The following TRIM9 variants were observed in gnomAD, a reference collection of about 807,000 sequenced individuals.
The protein encoded by TRIM9 is E3 ubiquitin-protein ligase TRIM9.
Under a neutral mutation model 78.3 loss-of-function variants are expected in TRIM9, and 26 were observed. The observed-to-expected ratio is 0.33, with a 90% confidence interval of 0.24 to 0.46. The LOEUF (loss-of-function observed/expected upper bound fraction) is 0.46. Among genes scored for constraint, TRIM9 ranks in the 20% least tolerant of loss-of-function variants. The probability of loss-of-function intolerance (pLI) is 1.00; values close to 1 mark genes in which losing one functional copy is unlikely to be tolerated. For synonymous variants in TRIM9, 398 were observed against 416.5 expected (o/e 0.96, Z 0.54); for missense variants, 787 against 1,036.4 (o/e 0.76, Z 3.30).
At chr14:51,020,902 A>G (rs1596193092) in intron 3 of TRIM9, among the ~76,000 whole-genome samples, 1 of 152,328 alleles carries the variant, frequency 6.6e-6, no homozygotes, top group East Asian at 1.9e-4. Context: ...CAAACTGTTC[A>G]CCATGTTCTG....
intron 1 of TRIM9, among the ~76,000 whole-genome samples, chr14:51,050,268 G>T (rs372624818): frequency 6.6e-6 from 1 of 152,104 alleles, no homozygotes; most frequent in Admixed American, 6.5e-5. Flanking sequence ...TTGTGGGAGG[G>T]ACCTGGTGGG....
chr14:51,064,669 A>C (rs1357141896), intron 1 of TRIM9, among the ~76,000 whole-genome samples: 1 of 151,902 alleles, frequency 6.6e-6, no homozygotes, highest in African/African-American at 2.4e-5. Context: ...AAGAGAGGAT[A>C]TCACACACAA....
Position 51,094,534 on chromosome 14 carries a change from T to C in TRIM9, c.406A>G (p.Ile136Val). The C allele has an allele frequency of 2.5e-6, 4 of 1,613,384 alleles. No homozygotes were observed. Among genetic ancestry groups the C allele is most frequent in the Non-Finnish European group, 3.4e-6 (4 of 1,179,880 alleles). ...ITCPQCHRSL[I>V]LDDRGLRGFP... ...CCGCGGAGCCCCCGGTCATCCAGGA[T>C]GAGGCTGCGGTGACACTGGGGGCAG... Residue 136 changes from isoleucine to valine, a missense_variant, in exon 1 of 13, where the codon ATC becomes GTC. Transcript: ENST00000684578.
rs750048475 is a variant in TRIM9 at position 50,994,219 on chromosome 14, A to G, written c.1603+3831T>C. 2.6e-5 allele frequency among the ~76,000 whole-genome samples: 4 copies of G among 152,198 alleles called. No individual in the cohort carries two copies. The South Asian group carries it at 8.3e-4, about 31-fold the overall frequency. On this transcript the variant is annotated intron_variant, in intron 7 of 12. Coordinates refer to ENST00000684578, the MANE Select transcript of TRIM9 (RefSeq NM_001387360.1). The stretch of plus-strand genomic sequence containing the variant: ...CCAGGAGTTTGAGACAAACCTGGGC[A>G]ACACAGCAAGACCACATCTCTACAA...
At chr14:51,025,225 T>C (rs1596204150) in intron 2 of TRIM9, 40 bp downstream of exon 2, 2 of 1,562,148 alleles carry the variant, frequency 1.3e-6, no homozygotes, top group Admixed American at 1.7e-5. Flanking sequence ...AGTTACGTAT[T>C]AACCGGCGGG....
At chr14:51,082,787 A>T (rs2063417867) in intron 1 of TRIM9, among the ~76,000 whole-genome samples, 1 of 152,214 alleles carries the variant, frequency 6.6e-6, no homozygotes, top group Admixed American at 6.5e-5. Flanking sequence ...AAAAAAAGTG[A>T]CTTGTTGTTC....
chr14:51,022,952 G>A lies in TRIM9; in HGVS notation c.924C>T (p.Asn308=). The A allele has an allele frequency of 6.2e-7, 1 of 1,613,940 alleles. No individual in the cohort carries two copies. Among genetic ancestry groups the A allele is most frequent in the Non-Finnish European group, 8.5e-7 (1 of 1,180,014 alleles). Residue 308 remains asparagine, a synonymous_variant, in exon 3 of 13, where the codon AAC becomes AAT. Coordinates refer to ENST00000684578, the MANE Select transcript of TRIM9 (RefSeq NM_001387360.1). The part of the protein sequence containing the change: ...LRNMVQQIQE[N]SVEFEACLVA... The stretch of plus-strand genomic sequence containing the variant: ...CCAGACAGGCTTCAAACTCCACACT[G>A]TTCTCCTGTGTAACAGAGCACATTT...
At chr14:50,999,923 T>C (rs10151412) in intron 6 of TRIM9, among the ~76,000 whole-genome samples, 130,134 of 152,172 alleles carry the variant, frequency 0.86, 55,940 homozygotes, top group African/African-American at 0.91. Flanking sequence ...GTACCACAGC[T>C]GTGTCTTACC....
intron 3 of TRIM9, among the ~76,000 whole-genome samples, chr14:51,011,458 T>C (rs1262857889): frequency 6.6e-6 from 1 of 152,198 alleles, no homozygotes; most frequent in East Asian, 1.9e-4. Flanking sequence ...TCCAAGTAGC[T>C]GGGACTACAC....
rs2061134836 is a variant in TRIM9 at position 51,059,158 on chromosome 14, G to A, written c.823-33798C>T. 2.6e-5 allele frequency among the ~76,000 whole-genome samples: 4 copies of A among 152,182 alleles called. No individual in the cohort carries two copies. The South Asian group carries it at 8.3e-4, about 32-fold the overall frequency. On this transcript the variant is annotated intron_variant, in intron 1 of 12. Coordinates refer to ENST00000684578, the MANE Select transcript of TRIM9 (RefSeq NM_001387360.1). ...TGGGAAATCAGTTCTTTCCTCCAAG[G>A]AGGGAAACAGTGAAACACCGATCAG... is the stretch of plus-strand genomic sequence containing the variant.
chr14:50,980,319 G>A (rs2051694949), intron 11 of TRIM9, among the ~76,000 whole-genome samples: 1 of 152,120 alleles, frequency 6.6e-6, no homozygotes, highest in Admixed American at 6.5e-5. Flanking sequence ...TTCAATTGAT[G>A]GTTTCACAAA....
chr14:50,991,376 T>C (rs949458096), intron 7 of TRIM9, among the ~76,000 whole-genome samples: 3 of 152,224 alleles, frequency 2.0e-5, no homozygotes, highest in African/African-American at 7.2e-5. Context: ...TTCTGGGCTC[T>C]GAAACCTATC....
intron 3 of TRIM9, among the ~76,000 whole-genome samples, chr14:51,015,462 CTT>C (rs1241918920): frequency 8.6e-6 from 1 of 115,774 alleles, no homozygotes; most frequent in Admixed American, 8.5e-5. Flanking sequence ...TAAAATTTTT[CTT>C]TATCTTTTTT....
At chr14:50,986,290 A>C in intron 7 of TRIM9, 146 bp from the exon 8 acceptor site, 5 of 646,700 alleles carry the variant, frequency 7.7e-6, no homozygotes, top group Non-Finnish European at 6.7e-6. Flanking sequence ...TACAAAACCA[A>C]TGTGCCTGGG....
At position 51,048,948 on chromosome 14, in the gene TRIM9, C is replaced by T. The variant is rs1416657385; in HGVS notation, c.823-23588G>A. 3.4e-5 allele frequency among the ~76,000 whole-genome samples: 5 copies of T among 149,210 alleles called. No homozygotes were observed. In the East Asian group the frequency reaches 1.0e-3, roughly 30 times the overall value. On this transcript the variant is annotated intron_variant, in intron 1 of 12. Transcript: ENST00000684578. ...GCAGTGAGCCGAGATCGCACCACTGCACTCCAGCCTAGGTGACAGCATGAG... is the reference window on the plus strand; with the variant it reads ...GCAGTGAGCCGAGATCGCACCACTGTACTCCAGCCTAGGTGACAGCATGAG...
At chr14:50,987,465 T>TA (rs1164139546) in intron 7 of TRIM9, among the ~76,000 whole-genome samples, 1 of 152,188 alleles carries the variant, frequency 6.6e-6, no homozygotes, top group Non-Finnish European at 1.5e-5. Context: ...GGATGACTTT[T>TA]AAAAAATGAA....
intron 8 of TRIM9, among the ~76,000 whole-genome samples, chr14:50,983,669 A>AT (rs1278768562): frequency 2.0e-5 from 3 of 152,186 alleles, no homozygotes; most frequent in Non-Finnish European, 4.4e-5. Context: ...CTGTAGCTGA[A>AT]TTTTTCATCT....
intron 1 of TRIM9, among the ~76,000 whole-genome samples, chr14:51,037,307 G>A (rs2059235312): frequency 6.6e-6 from 1 of 152,156 alleles, no homozygotes; most frequent in South Asian, 2.1e-4. Context: ...GGTTAGCTAG[G>A]AAACCCAAGT....
intron 1 of TRIM9, among the ~76,000 whole-genome samples, chr14:51,054,863 T>C (rs1227991974): frequency 6.7e-6 from 1 of 148,946 alleles, no homozygotes; most frequent in Non-Finnish European, 1.5e-5. Context: ...GGAGTCTGGC[T>C]CTGTCGCCCA....
Sources: allele counts gnomAD v4.1 joint callset (sites outside exome capture counted in the v4.1 genomes callset), GRCh38; gene constraint gnomAD v4.1.1; transcripts MANE v1.5; gene names NCBI Gene and HGNC (gene_info 2026-07-23, HGNC 2026-07-21).